Variants in HDAC9 observed in about 807,000 individuals in gnomAD.
HDAC9 encodes the protein histone deacetylase 9.
In HDAC9, 41 loss-of-function variants were observed where a neutral mutation model predicts 139.4. The ratio of observed to expected loss-of-function variants is 0.29; its 90% confidence interval spans 0.23 to 0.38. HDAC9 has a LOEUF of 0.38. HDAC9 is among the 10% of genes least tolerant of loss of function. The probability of loss-of-function intolerance (pLI) is 1.00; values close to 1 mark genes in which losing one functional copy is unlikely to be tolerated. For synonymous variants in HDAC9, 517 were observed against 476.2 expected, an observed-to-expected ratio of 1.09 and a Z score of -1.12; for missense variants, 1,147 against 1,297.0, an observed-to-expected ratio of 0.88 and a Z score of 1.78.
At chr7:18,772,572 A>G (rs753264663) in intron 16 of HDAC9, among the ~76,000 whole-genome samples, 1 of 152,090 alleles carries the variant, frequency 6.6e-6, no homozygotes, top group Non-Finnish European at 1.5e-5. Flanking sequence ...GCTTGCAATC[A>G]GTACTTCATT....
At chr7:18,812,032 A>G (rs776599528) in intron 17 of HDAC9, among the ~76,000 whole-genome samples, 8 of 151,860 alleles carry the variant, frequency 5.3e-5, no homozygotes, top group Non-Finnish European at 1.0e-4. Context: ...TCATCTCTAG[A>G]TTATTTATCA....
intron 8 of HDAC9, among the ~76,000 whole-genome samples, chr7:18,636,707 T>C (rs1416074752): frequency 1.3e-5 from 2 of 152,096 alleles, no homozygotes; most frequent in Non-Finnish European, 2.9e-5. Flanking sequence ...AAAAACATGA[T>C]AGCAGATGGA....
At position 18,354,469 on chromosome 7, in the gene HDAC9, A is replaced by G. The variant is rs903045957; in HGVS notation, c.-42+63954A>G. On this transcript the variant is annotated intron_variant, in intron 1 of 3. Transcript: ENST00000413509. ...GAGGAGAGAAGAATTAATCGCAACT[A>G]ATGTGCAGATTTAGGCTTTTAGAGA... 4.6e-5 allele frequency among the ~76,000 whole-genome samples: 7 copies of G among 152,182 alleles called. 1 individual carries two copies. In the South Asian group the frequency reaches 1.0e-3, roughly 22 times the overall value.
rs1392251004 is a variant in HDAC9 at position 18,975,780 on chromosome 7, T to G, written c.3023-26T>G. The G allele has an allele frequency of 3.7e-6, 6 of 1,609,374 alleles. No individual in the cohort carries two copies. In the East Asian group the frequency reaches 1.1e-4, roughly 30 times the overall value. On this transcript the variant is annotated intron_variant, in intron 24 of 25. Transcript: ENST00000686413. ...ATTACTGCTGTAATTACAATTCTTA[T>G]GAAGTATGATGGATGTTTTTCCTAG...
At chr7:18,491,384 C>T (rs183785017), upstream of HDAC9, among the ~76,000 whole-genome samples, 27 of 151,860 alleles carry the variant, frequency 1.8e-4, no homozygotes, top group Admixed American at 4.6e-4. Context: ...GCAGACAAAC[C>T]GTATTTATAA....
intron 1 of HDAC9, among the ~76,000 whole-genome samples, chr7:18,363,773 C>T (rs1180810718): frequency 6.6e-6 from 1 of 152,152 alleles, no homozygotes; most frequent in Admixed American, 6.6e-5. Context: ...GGTGCCTCCT[C>T]TTTTTGTTCA....
chr7:18,960,385 A>C lies in HDAC9; in HGVS notation c.3022+6155A>C, dbSNP rs1006756443. Among the ~76,000 whole-genome samples, 17 of 152,028 alleles carry C rather than the reference A, an allele frequency of 1.1e-4. No individual in the cohort carries two copies. The Middle Eastern group carries it at 0.01, about 91-fold the overall frequency. ...GTCTTGCTTCTCCTCCTCTTCCTCT[A>C]TGTTATTGTTATTCTTTACTCTTAT... On this transcript the variant is annotated intron_variant, in intron 24 of 25. Transcript: ENST00000686413.
chr7:18,721,834 C>G (rs1785169482), intron 12 of HDAC9, among the ~76,000 whole-genome samples: 1 of 152,150 alleles, frequency 6.6e-6, no homozygotes, highest in Admixed American at 6.5e-5. Context: ...TTCGTAGTCT[C>G]CATTAGCAGG....
intron 2 of HDAC9, among the ~76,000 whole-genome samples, chr7:18,270,765 T>C (rs1796304073): frequency 6.6e-6 from 1 of 152,168 alleles, no homozygotes; most frequent in East Asian, 1.9e-4. Context: ...ATTGAGAAGA[T>C]GCCTTCTTTT....
At chr7:18,733,025 A>ATATACACATGTGTATGTGTGTATATG (rs1562894186) in intron 13 of HDAC9, among the ~76,000 whole-genome samples, 6 of 142,106 alleles carry the variant, frequency 4.2e-5, no homozygotes, top group African/African-American at 1.6e-4. Flanking sequence ...GTGTGTATAT[A>ATATACACATGTGTATGTGTGTATATG]TGTATATATA....
intron 13 of HDAC9, among the ~76,000 whole-genome samples, chr7:18,736,299 C>A (rs1205307866): frequency 6.6e-6 from 1 of 152,172 alleles, no homozygotes; most frequent in African/African-American, 2.4e-5. Flanking sequence ...GAGAGGGCAT[C>A]CTTGTCTTGT....
At chr7:18,155,596 T>C (rs1453872680) in intron 1 of HDAC9, among the ~76,000 whole-genome samples, 2 of 152,226 alleles carry the variant, frequency 1.3e-5, no homozygotes, top group East Asian at 1.9e-4. Flanking sequence ...CTGCTCTATA[T>C]TACACCCAAC....
chr7:18,158,875 G>A (rs1323794695), intron 1 of HDAC9, among the ~76,000 whole-genome samples: 3 of 152,186 alleles, frequency 2.0e-5, no homozygotes, highest in Non-Finnish European at 2.9e-5. Context: ...TGAGACTGCA[G>A]GATGTCACTG....
At chr7:18,127,557 T>C (rs959585682) in intron 1 of HDAC9, among the ~76,000 whole-genome samples, 2 of 152,138 alleles carry the variant, frequency 1.3e-5, no homozygotes, top group Non-Finnish European at 2.9e-5. Flanking sequence ...CCTTATTCTC[T>C]CTGGTTTTCA....
intron 1 of HDAC9, among the ~76,000 whole-genome samples, chr7:18,358,864 G>A (rs1409023279): frequency 1.3e-5 from 2 of 152,210 alleles, no homozygotes; most frequent in African/African-American, 2.4e-5. Flanking sequence ...TTAGAAGAAT[G>A]TGGTGAGGAT....
intron 16 of HDAC9, among the ~76,000 whole-genome samples, chr7:18,775,936 T>C (rs1790730716): frequency 6.6e-6 from 1 of 152,008 alleles, no homozygotes; most frequent in South Asian, 2.1e-4. Context: ...ATCCAATTTT[T>C]TGTTTGTTTG....
At chr7:18,953,093 G>T (rs1004647428) in intron 23 of HDAC9, among the ~76,000 whole-genome samples, 10 of 151,842 alleles carry the variant, frequency 6.6e-5, no homozygotes, top group Non-Finnish European at 1.0e-4. Context: ...TAATCCCTGT[G>T]TTTTTTTAGG....
Position 18,411,979 on chromosome 7 carries a change from CTA to C in HDAC9, c.-41-84281_-41-84280del, listed in dbSNP as rs1290059092. Among the ~76,000 whole-genome samples the C allele has an allele frequency of 5.3e-5, 8 of 152,078 alleles. No individual in the cohort carries two copies. In the East Asian group the frequency reaches 1.5e-3, roughly 29 times the overall value. On this transcript the variant is annotated intron_variant, in intron 1 of 3. Transcript: ENST00000413509. ...TAGCTGGGACTACAGGTGTGCACCACTATGCCCAGCTAATGTTTGTATTTTTT... is the reference window on the plus strand; with the variant it reads ...TAGCTGGGACTACAGGTGTGCACCACTGCCCAGCTAATGTTTGTATTTTTT...
chr7:18,223,164 C>T (rs1352103543), intron 2 of HDAC9, among the ~76,000 whole-genome samples: 5 of 151,928 alleles, frequency 3.3e-5, no homozygotes, highest in Non-Finnish European at 7.4e-5. Context: ...ATGACATGTA[C>T]CTTGTTTTTC....
Sources: gnomAD v4.1 joint callset for allele counts (sites outside exome capture counted in the v4.1 genomes callset) on GRCh38, gnomAD v4.1.1 for gene constraint, MANE v1.5 for transcripts, NCBI Gene and HGNC (gene_info 2026-07-23, HGNC 2026-07-21) for gene names.